Variants in SNU13 observed in about 807,000 individuals in gnomAD.
SNU13 encodes NHP2-like protein 1.
Under a neutral mutation model 12.4 loss-of-function variants are expected in SNU13, and 2 were observed. The ratio of observed to expected loss-of-function variants is 0.16; its 90% confidence interval spans 0.07 to 0.51. The LOEUF (loss-of-function observed/expected upper bound fraction) is 0.51, where lower values mean the gene tolerates loss of function less well. SNU13 is among the 20% of genes least tolerant of loss of function. The pLI is 0.96. For missense variants in SNU13, 66 were observed against 157.8 expected (o/e 0.42, Z 3.12); for synonymous variants, 68 against 66.5 (o/e 1.02, Z -0.11).
chr22:41,674,750 A>C lies in SNU13; in HGVS notation c.*183T>G. ...TGAAGGATGGCAGAGGGAGGGAGGA[A>C]AGGAAGGGGGATAGCAACCCTGTAA... is the stretch of plus-strand genomic sequence containing the variant. On this transcript the variant is annotated 3_prime_UTR_variant, in exon 3 of 3. Transcript: ENST00000401959. The C allele has an allele frequency of 1.3e-6, 1 of 755,150 alleles. No homozygotes were observed. Among genetic ancestry groups the C allele is most frequent in the Non-Finnish European group, 2.1e-6 (1 of 481,676 alleles). The allele number at this position is 755,150 out of a possible 1,614,324, so 46.8% of individuals were successfully genotyped here.
chr22:41,674,756 G>T lies in SNU13; in HGVS notation c.*177C>A. On this transcript the variant is annotated 3_prime_UTR_variant, in exon 3 of 3. Coordinates refer to ENST00000401959, the MANE Select transcript of SNU13 (RefSeq NM_001003796.2). ...ATGGCAGAGGGAGGGAGGAAAGGAAGGGGGATAGCAACCCTGTAAAACAGA... is the reference window on the plus strand; with the variant it reads ...ATGGCAGAGGGAGGGAGGAAAGGAATGGGGATAGCAACCCTGTAAAACAGA... 1 of 798,422 alleles carries T rather than the reference G, an allele frequency of 1.3e-6. No individual in the cohort carries two copies. The highest frequency in any genetic ancestry group is 1.9e-6 in the Non-Finnish European group (1 of 517,882). 49.5% of individuals were successfully genotyped at this position (798,422 alleles called of 1,614,324 possible). A position where few individuals can be genotyped will look rare whatever the true frequency, so the allele number is the denominator to read the frequency against.
intron 1 of SNU13, 102 bp from the exon 2 acceptor site, chr22:41,680,466 C>CCCTGTGTCTCAATTGTTGATTAGTATTT: frequency 7.7e-7 from 1 of 1,300,734 alleles, no homozygotes; most frequent in Non-Finnish European, 1.1e-6. Context: ...GGCAGCTGCC[C>CCCTGTGTCTCAATTGTTGATTAGTATTT]TGCTCCCTAA....
chr22:41,684,001 C>G (rs183010093), intron 1 of SNU13, among the ~76,000 whole-genome samples: 9 of 152,166 alleles, frequency 5.9e-5, no homozygotes, highest in Non-Finnish European at 1.0e-4. Context: ...CTCCTGGGTT[C>G]AAGCAATTCT....
chr22:41,681,253 G>C (rs1422043789), intron 1 of SNU13: 1 of 152,114 alleles, frequency 6.6e-6, no homozygotes, highest in Admixed American at 6.5e-5. Context: ...TTTGTTCTTA[G>C]GATATATCCT....
chr22:41,677,583 T>C (rs1388052661), intron 2 of SNU13, among the ~76,000 whole-genome samples: 3 of 152,250 alleles, frequency 2.0e-5, no homozygotes, highest in South Asian at 4.2e-4. Flanking sequence ...ATGCAAAGCA[T>C]GTTCATTTCT....
intron 1 of SNU13, among the ~76,000 whole-genome samples, chr22:41,687,065 C>T (rs957878049): frequency 5.3e-5 from 8 of 151,194 alleles, no homozygotes; most frequent in Non-Finnish European, 7.4e-5. Context: ...AAGCGATTCT[C>T]CTTGCCTCAG....
intron 1 of SNU13, among the ~76,000 whole-genome samples, chr22:41,683,548 A>T (rs931832664): frequency 3.9e-5 from 6 of 152,072 alleles, no homozygotes; most frequent in African/African-American, 1.4e-4. Flanking sequence ...GCCCATTTAT[A>T]TATTTTTTAA....
At chr22:41,685,202 G>T (rs1569110833) in intron 1 of SNU13, among the ~76,000 whole-genome samples, 1 of 151,398 alleles carries the variant, frequency 6.6e-6, no homozygotes, top group Admixed American at 6.6e-5. Context: ...TTGAGACAGG[G>T]TCTCACTCTA....
intron 1 of SNU13, among the ~76,000 whole-genome samples, chr22:41,685,860 C>T (rs536576108): frequency 3.3e-5 from 5 of 151,288 alleles, no homozygotes; most frequent in South Asian, 2.1e-4. Context: ...CCCAGCTACT[C>T]GGGAGGCTGA....
intron 2 of SNU13, among the ~76,000 whole-genome samples, chr22:41,677,709 T>C (rs1449923313): frequency 6.6e-6 from 1 of 152,156 alleles, no homozygotes; most frequent in Non-Finnish European, 1.5e-5. Context: ...CATTTACCAT[T>C]GTACTCACTG....
At chr22:41,688,702 C>T in intron 1 of SNU13, 92 bp downstream of exon 1, 1 of 1,488,738 alleles carries the variant, frequency 6.7e-7, no homozygotes, top group South Asian at 1.3e-5. Context: ...GATGAGACGG[C>T]GCAGGCTCTA....
At chr22:41,675,306 C>T (rs1380635716) in intron 2 of SNU13, 111 bp from the exon 3 acceptor site, 6 of 1,357,850 alleles carry the variant, frequency 4.4e-6, no homozygotes, top group Non-Finnish European at 5.0e-6. Flanking sequence ...TAGACCGGCC[C>T]TGGGATATGA....
rs945749922 is a variant in SNU13, at chr22:41,681,785, G to C, written c.4-1421C>G. Among the ~76,000 whole-genome samples, 4 of 152,216 alleles carry C rather than the reference G, an allele frequency of 2.6e-5. No individual in the cohort carries two copies. The East Asian group carries it at 5.8e-4, about 22-fold the overall frequency. Reference sequence around the variant, plus strand: ...CCTAGCTACTCGAGAGGCTGACGCAGAATAGCTTGAACCCAGGAGGCGGAG... The same window carrying C: ...CCTAGCTACTCGAGAGGCTGACGCACAATAGCTTGAACCCAGGAGGCGGAG... On this transcript the variant is annotated intron_variant, in intron 1 of 2. Transcript: ENST00000401959.
chr22:41,675,554 T>C (rs993132284), intron 2 of SNU13, among the ~76,000 whole-genome samples: 2 of 151,624 alleles, frequency 1.3e-5, no homozygotes, highest in Admixed American at 6.6e-5. Context: ...CCCAAGCAGC[T>C]GGGATTACAG....
intron 2 of SNU13, among the ~76,000 whole-genome samples, chr22:41,678,163 G>A (rs1239828961): frequency 2.0e-5 from 3 of 151,962 alleles, no homozygotes; most frequent in Non-Finnish European, 4.4e-5. Context: ...TTTTGGTAGA[G>A]ATGAGGTTTC....
At chr22:41,683,404 C>A (rs1407139790) in intron 1 of SNU13, among the ~76,000 whole-genome samples, 2 of 152,150 alleles carry the variant, frequency 1.3e-5, no homozygotes, top group Non-Finnish European at 2.9e-5. Flanking sequence ...ACCACCACGT[C>A]TGGCTAATTT....
intron 1 of SNU13, among the ~76,000 whole-genome samples, chr22:41,684,091 G>C (rs2068289290): frequency 6.6e-6 from 1 of 152,076 alleles, no homozygotes; most frequent in African/African-American, 2.4e-5. Context: ...TTTTAGTAGA[G>C]ACTGGGTTTT....
intron 2 of SNU13, among the ~76,000 whole-genome samples, chr22:41,677,648 A>G (rs763002826): frequency 9.2e-5 from 14 of 152,206 alleles, no homozygotes; most frequent in African/African-American, 3.1e-4. Context: ...TGACTCTTTT[A>G]TAAGTGTTAA....
intron 2 of SNU13, 90 bp from the exon 3 acceptor site, chr22:41,675,285 A>G: frequency 6.7e-7 from 1 of 1,493,910 alleles, no homozygotes; most frequent in South Asian, 1.2e-5. Context: ...GGCACACACA[A>G]TTATGTGTCC....
Sources: allele counts gnomAD v4.1 joint callset (sites outside exome capture counted in the v4.1 genomes callset), GRCh38; gene constraint gnomAD v4.1.1; transcripts MANE v1.5; gene names NCBI Gene and HGNC (gene_info 2026-07-23, HGNC 2026-07-21).